The following GSE1 variants were observed in gnomAD, a reference collection of about 807,000 sequenced individuals.
GSE1 encodes the protein Gse1 coiled-coil protein.
In GSE1, 32 loss-of-function variants were observed where a neutral mutation model predicts 112.6. The observed-to-expected ratio is 0.28, with a 90% CI of 0.21 to 0.38. The LOEUF (loss-of-function observed/expected upper bound fraction) is 0.38, where lower values mean the gene tolerates loss of function less well. Among genes scored for constraint, GSE1 ranks in the 10% least tolerant of loss-of-function variants. The pLI is 1.00. For synonymous variants in GSE1, 1,115 were observed against 735.6 expected, an observed-to-expected ratio of 1.52 and a Z score of -8.35; for missense variants, 2,348 against 1,699.2, an observed-to-expected ratio of 1.38 and a Z score of -6.71.
At chr16:85,534,439 CATT>C (rs751052455) in intron 2 of GSE1, among the ~76,000 whole-genome samples, 4 of 152,054 alleles carry the variant, frequency 2.6e-5, no homozygotes, top group Non-Finnish European at 5.9e-5. Flanking sequence ...TTTTTTAAAA[CATT>C]ATGGTAAAAT....
intron 1 of GSE1, among the ~76,000 whole-genome samples, chr16:85,563,342 A>G (rs2045606834): frequency 6.6e-6 from 1 of 152,178 alleles, no homozygotes; most frequent in Non-Finnish European, 1.5e-5. Flanking sequence ...GTAAAAGGAA[A>G]AAAAATCAGT....
chr16:85,171,704 T>C (rs895772345), exon 1 of GSE1: 2 of 985,596 alleles, frequency 2.0e-6, no homozygotes, highest in African/African-American at 3.5e-5. Flanking sequence ...CAGCAGCTGA[T>C]CATCGGTGCT....
At chr16:85,613,675 G>A (rs2048155916) in intron 1 of GSE1, among the ~76,000 whole-genome samples, 1 of 133,844 alleles carries the variant, frequency 7.5e-6, no homozygotes, top group Admixed American at 7.3e-5. Context: ...GGGGGGGTGC[G>A]TTTAAGTGCG....
intron 2 of GSE1, chr16:85,489,740 A>C (rs1262000227): frequency 6.6e-6 from 1 of 152,306 alleles, no homozygotes; most frequent in African/African-American, 2.4e-5. Context: ...GTCTGCCCAG[A>C]ACCTCAGAAC....
intron 2 of GSE1, among the ~76,000 whole-genome samples, chr16:85,393,895 G>A (rs1001889620): frequency 6.6e-6 from 1 of 152,140 alleles, no homozygotes; most frequent in African/African-American, 2.4e-5. Flanking sequence ...GGGGTTGGCC[G>A]CCAGCTTGCG....
chr16:85,564,469 C>T (rs542054720), intron 1 of GSE1, among the ~76,000 whole-genome samples: 3 of 152,150 alleles, frequency 2.0e-5, no homozygotes, highest in Admixed American at 6.5e-5. Context: ...ATTTTCTGGG[C>T]GTGCAGAGGA....
intron 2 of GSE1, among the ~76,000 whole-genome samples, chr16:85,520,932 C>G (rs2052162773): frequency 6.6e-6 from 1 of 152,188 alleles, no homozygotes; most frequent in Non-Finnish European, 1.5e-5. Context: ...TGACAGCTGG[C>G]CAGCACTGCC....
At chr16:85,339,410 C>T (rs540630082) in intron 1 of GSE1, among the ~76,000 whole-genome samples, 2 of 152,258 alleles carry the variant, frequency 1.3e-5, no homozygotes, top group South Asian at 2.1e-4. Context: ...GGCCCTGGCA[C>T]GACTCTGCCT....
intron 3 of GSE1, among the ~76,000 whole-genome samples, chr16:85,652,731 G>A (rs1026841060): frequency 6.6e-5 from 10 of 152,116 alleles, no homozygotes. Flanking sequence ...GGCGGGTCAG[G>A]GACACAGGCA....
At chr16:85,189,051 G>T (rs2074768933) in intron 1 of GSE1, among the ~76,000 whole-genome samples, 1 of 152,152 alleles carries the variant, frequency 6.6e-6, no homozygotes. Context: ...CTCCAGTGCT[G>T]CCGGAAGCCT....
chr16:85,500,179 G>A lies in GSE1; in HGVS notation c.2465-133735G>A, dbSNP rs905960842. Among the ~76,000 whole-genome samples the A allele has an allele frequency of 1.2e-4, 18 of 152,184 alleles. No individual in the cohort carries two copies. In the South Asian group the frequency reaches 1.2e-3, roughly 11 times the overall value. ...AATAACCGGCTGCCAGGTGCAGAGC[G>A]AGGCCCGCTCAGTCTGGAAAAGGTT... On this transcript the variant is annotated intron_variant, in intron 2 of 2. Coordinates refer to the GSE1 transcript ENST00000637419.
At chr16:85,281,090 A>G (rs1331732385) in intron 1 of GSE1, among the ~76,000 whole-genome samples, 1 of 152,134 alleles carries the variant, frequency 6.6e-6, no homozygotes, top group Non-Finnish European at 1.5e-5. Context: ...GGGACCCAAA[A>G]TTGTCAAGAA....
intron 1 of GSE1, among the ~76,000 whole-genome samples, chr16:85,316,299 T>C (rs1025990607): frequency 4.6e-5 from 7 of 152,240 alleles, no homozygotes; most frequent in Non-Finnish European, 1.0e-4. Flanking sequence ...GTCATCAATA[T>C]GTTGAATTGT....
At chr16:85,645,156 G>A (rs927885610) in intron 2 of GSE1, among the ~76,000 whole-genome samples, 1 of 151,682 alleles carries the variant, frequency 6.6e-6, no homozygotes, top group Non-Finnish European at 1.5e-5. Context: ...TGGGGTGGTG[G>A]AGTTCTCAGG....
chr16:85,212,422 A>G (rs1412472660), intron 1 of GSE1, among the ~76,000 whole-genome samples: 2 of 152,164 alleles, frequency 1.3e-5, no homozygotes, highest in African/African-American at 4.8e-5. Flanking sequence ...AACAAAACAA[A>G]AAAACAAACC....
intron 1 of GSE1, among the ~76,000 whole-genome samples, chr16:85,613,644 G>T (rs1302598376): frequency 1.3e-5 from 2 of 151,332 alleles, no homozygotes; most frequent in African/African-American, 4.9e-5. Flanking sequence ...CCGGGCTCAG[G>T]AGTGCGCTCA....
intron 1 of GSE1, among the ~76,000 whole-genome samples, chr16:85,193,701 C>T (rs939660121): frequency 6.6e-6 from 1 of 152,192 alleles, no homozygotes; most frequent in African/African-American, 2.4e-5. Context: ...CTCAGTGATC[C>T]ACCCGCCTCA....
chr16:85,440,879 C>T (rs972326509), intron 2 of GSE1, among the ~76,000 whole-genome samples: 7 of 152,290 alleles, frequency 4.6e-5, no homozygotes, highest in Non-Finnish European at 8.8e-5. Context: ...CCTGGCTTCC[C>T]GAGGACGCGG....
chr16:85,175,917 G>A (rs1187226941), intron 1 of GSE1, among the ~76,000 whole-genome samples: 1 of 152,204 alleles, frequency 6.6e-6, no homozygotes, highest in Non-Finnish European at 1.5e-5. Flanking sequence ...GTAACCCCAG[G>A]ACCAGCGTCG....
Sources: allele counts gnomAD v4.1 joint callset (sites outside exome capture counted in the v4.1 genomes callset), GRCh38; gene constraint gnomAD v4.1.1; transcripts MANE v1.5; gene names NCBI Gene and HGNC (gene_info 2026-07-23, HGNC 2026-07-21).